Variants in TAOK3 observed in about 807,000 individuals in gnomAD.
TAOK3 encodes serine/threonine-protein kinase TAO3.
Under a neutral mutation model 120.4 loss-of-function variants are expected in TAOK3, and 40 were observed. The observed-to-expected ratio is 0.33, with a 90% CI of 0.26 to 0.43. TAOK3 has a LOEUF of 0.43. Ranked by LOEUF, TAOK3 falls within the 20% of genes least tolerant of loss-of-function variation. The pLI, the probability that TAOK3 is intolerant of heterozygous loss-of-function variation, is 1.00. For synonymous variants in TAOK3, 355 were observed against 387.5 expected, an observed-to-expected ratio of 0.92 and a Z score of 0.99; for missense variants, 821 against 1,112.1, an observed-to-expected ratio of 0.74 and a Z score of 3.72.
chr12:118,233,775 A>G lies in TAOK3; in HGVS notation c.552-10T>C, dbSNP rs1299512494. 1.9e-6 allele frequency: 3 copies of G among 1,588,092 alleles called. No homozygotes were observed. In the Admixed American group the frequency reaches 5.5e-5, roughly 29 times the overall value. On this transcript the variant is annotated splice_polypyrimidine_tract_variant and intron_variant, in intron 8 of 20. Transcript: ENST00000392533. ...CACCTCTGGAGCCATCCTACCAAAC[A>G]TAAGGTACAAAACTCAAGTTGGAGA... is the stretch of plus-strand genomic sequence containing the variant.
chr12:118,172,306 C>CT, intron 17 of TAOK3, 151 bp downstream of exon 17: 4 of 774,126 alleles, frequency 5.2e-6, no homozygotes, highest in African/African-American at 1.7e-5. Flanking sequence ...CATTCCCTGA[C>CT]TTTTTTTGTA....
chr12:118,332,284 A>G (rs1008535159), intron 1 of TAOK3, among the ~76,000 whole-genome samples: 1 of 151,666 alleles, frequency 6.6e-6, no homozygotes, highest in African/African-American at 2.4e-5. Context: ...ACCCCCACCC[A>G]CATCCACTTT....
intron 1 of TAOK3, among the ~76,000 whole-genome samples, chr12:118,364,072 G>T (rs1035950610): frequency 1.3e-5 from 2 of 152,088 alleles, no homozygotes; most frequent in Non-Finnish European, 1.5e-5. Flanking sequence ...GGAGGCAGAG[G>T]TTGCAGTGAG....
intron 1 of TAOK3, among the ~76,000 whole-genome samples, chr12:118,307,381 T>A (rs2043090900): frequency 6.6e-6 from 1 of 152,174 alleles, no homozygotes; most frequent in Non-Finnish European, 1.5e-5. Context: ...GATGATGGAT[T>A]TGCTATCTCT....
At chr12:118,195,777 G>A (rs1247587881) in intron 13 of TAOK3, among the ~76,000 whole-genome samples, 1 of 152,142 alleles carries the variant, frequency 6.6e-6, no homozygotes, top group Non-Finnish European at 1.5e-5. Context: ...TGGGCCAGTC[G>A]CAGTGCCTCA....
chr12:118,219,656 T>G (rs1482660854), intron 9 of TAOK3, among the ~76,000 whole-genome samples: 1 of 151,710 alleles, frequency 6.6e-6, no homozygotes, highest in East Asian at 1.9e-4. Context: ...CTGGAGGGAG[T>G]GCATCTCAGC....
At chr12:118,293,621 C>G (rs1037248266) in intron 1 of TAOK3, among the ~76,000 whole-genome samples, 1 of 150,842 alleles carries the variant, frequency 6.6e-6, no homozygotes, top group East Asian at 2.0e-4. Flanking sequence ...TTGCAGTGAG[C>G]CGAGATCACA....
intron 1 of TAOK3, among the ~76,000 whole-genome samples, chr12:118,325,984 T>A (rs2043921788): frequency 6.6e-6 from 1 of 152,170 alleles, no homozygotes; most frequent in Non-Finnish European, 1.5e-5. Flanking sequence ...CCAGCCTGTC[T>A]CTTCACTTTG....
At chr12:118,173,907 A>G (rs1034730570) in intron 16 of TAOK3, among the ~76,000 whole-genome samples, 10 of 152,260 alleles carry the variant, frequency 6.6e-5, no homozygotes, top group African/African-American at 2.2e-4. Context: ...CTCTTAGCCA[A>G]GAAGTCTCTG....
chr12:118,154,960 G>A (rs1460837916), intron 19 of TAOK3, among the ~76,000 whole-genome samples: 1 of 151,890 alleles, frequency 6.6e-6, no homozygotes, highest in Non-Finnish European at 1.5e-5. Context: ...TACAGCCCAT[G>A]GGCCAAATCT....
At chr12:118,217,254 C>T (rs1278179324) in intron 9 of TAOK3, among the ~76,000 whole-genome samples, 2 of 152,240 alleles carry the variant, frequency 1.3e-5, no homozygotes, top group Non-Finnish European at 2.9e-5. Flanking sequence ...AACAAGAAAC[C>T]AGAATGGACA....
chr12:118,367,269 T>A lies in TAOK3; in HGVS notation c.-194+5379A>T, dbSNP rs1433610690. Among the ~76,000 whole-genome samples, 4 of 152,266 alleles carry A rather than the reference T, an allele frequency of 2.6e-5. No homozygotes were observed. The East Asian group carries it at 7.7e-4, about 29-fold the overall frequency. ...AAATAACTTAGAAAGATTTTAAATATAATTCAATATCCCTAACAAATCTCA... is the reference window on the plus strand; with the variant it reads ...AAATAACTTAGAAAGATTTTAAATAAAATTCAATATCCCTAACAAATCTCA... On this transcript the variant is annotated intron_variant, in intron 1 of 20. Transcript: ENST00000392533.
At chr12:118,163,501 G>A (rs2035363317) in intron 17 of TAOK3, among the ~76,000 whole-genome samples, 1 of 149,716 alleles carries the variant, frequency 6.7e-6, no homozygotes, top group Non-Finnish European at 1.5e-5. Context: ...GGTTGGTCTC[G>A]GACTCCTGGA....
chr12:118,191,295 A>G (rs1417135342), intron 13 of TAOK3, among the ~76,000 whole-genome samples: 1 of 152,184 alleles, frequency 6.6e-6, no homozygotes, highest in Non-Finnish European at 1.5e-5. Flanking sequence ...CATTACACCT[A>G]TATGGAGAAT....
At position 118,230,720 on chromosome 12, in the gene TAOK3, C is replaced by T. The variant is rs188731597; in HGVS notation, c.643+2954G>A. 3.6e-3 allele frequency among the ~76,000 whole-genome samples: 555 copies of T among 152,154 alleles called. 3 individuals carry two copies. The highest frequency in any genetic ancestry group is 0.012 in the African/African-American group (515 of 41,522). On this transcript the variant is annotated intron_variant, in intron 9 of 20. Transcript: ENST00000392533. The stretch of plus-strand genomic sequence containing the variant: ...TCCTGACCTCGTGATCCGCCCGCCT[C>T]GGCCTCCCAAAGTGCCGAGATTATA...
At chr12:118,368,697 C>G (rs1283504915) in intron 1 of TAOK3, among the ~76,000 whole-genome samples, 1 of 149,984 alleles carries the variant, frequency 6.7e-6, no homozygotes, top group Non-Finnish European at 1.5e-5. Context: ...TCCCAGCTAC[C>G]CGGGAGGCTG....
rs141983998 is a variant in TAOK3 at position 118,293,526 on chromosome 12, T to G, written c.-193-26767A>C. Reference sequence around the variant, plus strand: ...CCCAGTTTCTAAAAAAAATAAAAAATTAGCTGGGCGTGGTGGCACGCACCT... The same window carrying G: ...CCCAGTTTCTAAAAAAAATAAAAAAGTAGCTGGGCGTGGTGGCACGCACCT... On this transcript the variant is annotated intron_variant, in intron 1 of 20. Coordinates refer to ENST00000392533, the MANE Select transcript of TAOK3 (RefSeq NM_016281.4). Among the ~76,000 whole-genome samples the G allele has an allele frequency of 1.4e-3, 217 of 150,942 alleles. 1 individual carries two copies. Among genetic ancestry groups the G allele is most frequent in the African/African-American group, 4.8e-3 (197 of 41,094 alleles).
chr12:118,235,678 GAAA>G lies in TAOK3; in HGVS notation c.438-10_438-8del. On this transcript the variant is annotated splice_polypyrimidine_tract_variant and splice_region_variant and intron_variant, in intron 7 of 20. Coordinates refer to ENST00000392533, the MANE Select transcript of TAOK3 (RefSeq NM_016281.4). ...ATTTCCTGCTTTAATATCCCTATAG[GAAA>G]AAAAAAAAGGGTTAGAAAATTACTT... 2.3e-6 allele frequency: 3 copies of G among 1,324,672 alleles called. No individual in the cohort carries two copies. Among genetic ancestry groups the G allele is most frequent in the African/African-American group, 1.5e-5 (1 of 66,234 alleles). The allele number at this position is 1,324,672 out of a possible 1,614,324, so 82.1% of individuals were successfully genotyped here.
chr12:118,314,222 C>A (rs1007811342), intron 1 of TAOK3, among the ~76,000 whole-genome samples: 2 of 152,150 alleles, frequency 1.3e-5, no homozygotes, highest in Non-Finnish European at 2.9e-5. Flanking sequence ...ATCTGTAACT[C>A]TGAATATGTT....
Sources: allele counts gnomAD v4.1 joint callset (sites outside exome capture counted in the v4.1 genomes callset), GRCh38; gene constraint gnomAD v4.1.1; transcripts MANE v1.5; gene names NCBI Gene and HGNC (gene_info 2026-07-23, HGNC 2026-07-21).